Variants in TPM1 observed in about 807,000 individuals in gnomAD.
TPM1 encodes tropomyosin 1, also known as tropomyosin alpha-1 chain.
TPM1 carries 24 observed loss-of-function variants against 42.9 expected under a neutral mutation model. The ratio of observed to expected loss-of-function variants is 0.56; its 90% confidence interval spans 0.41 to 0.79. The LOEUF (loss-of-function observed/expected upper bound fraction) is 0.79, where lower values mean the gene tolerates loss of function less well. TPM1 is among the 30% of genes least tolerant of loss of function. The pLI is 0.00. For synonymous variants in TPM1, 136 were observed against 130.1 expected (o/e 1.05, Z -0.31); for missense variants, 158 against 351.8 (o/e 0.45, Z 4.41).
At position 63,062,261 on chromosome 15, in the gene TPM1, C is replaced by G; in HGVS notation, c.686C>G (p.Ser229Cys). The G allele has an allele frequency of 6.2e-7, 1 of 1,614,080 alleles. No individual in the cohort carries two copies. Among genetic ancestry groups the G allele is most frequent in the Non-Finnish European group, 8.5e-7 (1 of 1,180,004 alleles). Residue 229 changes from serine to cysteine, a missense_variant, in exon 7 of 10, where the codon TCC (serine) becomes TGC (cysteine). By Grantham distance (112) the Ser-to-Cys change is moderately radical. Coordinates refer to ENST00000403994, the MANE Select transcript of TPM1 (RefSeq NM_001018005.2). ...DRYEEEIKVLSDKLKEAETRA... is the reference protein window; with the variant it reads ...DRYEEEIKVLCDKLKEAETRA... ...TATGAGGAAGAGATCAAGGTCCTTT[C>G]CGACAAGCTGAAGGAGGTAATATGA...
intron 2 of TPM1, chr15:63,055,798 A>G (rs16953467): frequency 0.67 from 101,754 of 152,076 alleles, 34,520 homozygotes; most frequent in East Asian, 0.95. Context: ...TCCATGCACA[A>G]TATTTAAACA....
rs534676735 is a variant in TPM1, at chr15:63,059,925, C to A, written c.492+245C>A. The A allele has an allele frequency of 1.6e-5, 6 of 373,048 alleles. No individual in the cohort carries two copies. In the East Asian group the frequency reaches 3.4e-4, roughly 21 times the overall value. 23.1% of individuals were successfully genotyped at this position (373,048 alleles called of 1,614,324 possible). ...GAAGAAGGACCAAAACTCCTCTCCC[C>A]CAGCCACAAAGACCCGGACAAAAGA... On this transcript the variant is annotated intron_variant, in intron 4 of 9. Transcript: ENST00000403994.
intron 1 of TPM1, chr15:63,043,514 C>G (rs1434729063): frequency 1.2e-6 from 1 of 866,386 alleles, no homozygotes; most frequent in African/African-American, 1.7e-5. Context: ...CGTCCCAGGG[C>G]AGGTGGGTGT....
At chr15:63,048,961 C>T (rs993423678) in intron 2 of TPM1, 3 of 535,016 alleles carry the variant, frequency 5.6e-6, no homozygotes, top group Non-Finnish European at 1.0e-5. Flanking sequence ...TGAGAAGGTT[C>T]TGGAAGGAGC....
chr15:63,063,219 G>A, intron 8 of TPM1: 1 of 985,360 alleles, frequency 1.0e-6, no homozygotes, highest in Non-Finnish European at 1.2e-6. Context: ...TAAATGTTGA[G>A]CTTTGAAGCT....
At chr15:63,048,246 G>A (rs1332322824) in intron 2 of TPM1, 14 of 496,914 alleles carry the variant, frequency 2.8e-5, no homozygotes, top group Non-Finnish European at 5.3e-5. Flanking sequence ...GTGGCCTCCC[G>A]GAGCGCCCAG....
chr15:63,057,773 C>G (rs1295096405), intron 3 of TPM1, among the ~76,000 whole-genome samples: 1 of 152,216 alleles, frequency 6.6e-6, no homozygotes, highest in African/African-American at 2.4e-5. Flanking sequence ...TAGACCAGCA[C>G]AGCCTTGTGT....
chr15:63,067,588 A>G (rs1375023883), downstream of TPM1, among the ~76,000 whole-genome samples: 1 of 152,204 alleles, frequency 6.6e-6, no homozygotes. Context: ...CGCACTTTCT[A>G]TAAGTACACT....
At chr15:63,068,365 G>C (rs2729827), downstream of TPM1, among the ~76,000 whole-genome samples, 2 of 152,018 alleles carry the variant, frequency 1.3e-5, no homozygotes, top group Non-Finnish European at 2.9e-5. Context: ...GGTAGCGGAC[G>C]TTTGACTGGG....
chr15:63,052,919 T>A (rs555886638), intron 2 of TPM1, among the ~76,000 whole-genome samples: 1 of 152,194 alleles, frequency 6.6e-6, no homozygotes, highest in African/African-American at 2.4e-5. Flanking sequence ...ATATCTTGAA[T>A]TCTAACGAGC....
intron 2 of TPM1, among the ~76,000 whole-genome samples, chr15:63,055,174 G>T (rs1057201773): frequency 6.6e-6 from 1 of 152,174 alleles, no homozygotes; most frequent in Admixed American, 6.5e-5. Context: ...TTTACCAGCT[G>T]TGCACTGATA....
At chr15:63,051,035 C>T (rs1392532340) in intron 2 of TPM1, among the ~76,000 whole-genome samples, 2 of 152,030 alleles carry the variant, frequency 1.3e-5, no homozygotes, top group Non-Finnish European at 2.9e-5. Flanking sequence ...TGTGTGGATC[C>T]TTCAAAATGT....
At chr15:63,069,820 C>G (rs761530860), downstream of TPM1, 15 of 1,612,664 alleles carry the variant, frequency 9.3e-6, no homozygotes, top group African/African-American at 1.3e-5. Flanking sequence ...GTCTGCTAAC[C>G]TGTCTTCCTT....
rs397516378 is a variant in TPM1 at position 63,060,945 on chromosome 15, C to A, written c.563+6C>A. On this transcript the variant is annotated splice_donor_region_variant and intron_variant, in intron 5 of 9. Transcript: ENST00000403994. ...CGGGCTGAGCTCTCAGAAGGGTAAG[C>A]GGGCCCGGCGCCAGGAGGCCACGAA... The A allele has an allele frequency of 8.1e-6, 13 of 1,613,862 alleles. No homozygotes were observed. The highest frequency in any genetic ancestry group is 1.1e-5 in the Non-Finnish European group (13 of 1,180,008).
chr15:63,049,895 T>C (rs548491447), intron 2 of TPM1, among the ~76,000 whole-genome samples: 2 of 152,346 alleles, frequency 1.3e-5, no homozygotes, highest in African/African-American at 4.8e-5. Context: ...TAATTCCGAC[T>C]CCCTTACTCG....
downstream of TPM1, chr15:63,070,093 G>A (rs569700841): frequency 6.6e-7 from 1 of 1,524,870 alleles, no homozygotes; most frequent in East Asian, 2.5e-5. Context: ...GGCTGGCCTT[G>A]CCTGCTTGTT....
intron 2 of TPM1, among the ~76,000 whole-genome samples, chr15:63,049,629 G>A (rs2033407607): frequency 1.3e-5 from 2 of 152,162 alleles, no homozygotes; most frequent in Admixed American, 1.3e-4. Context: ...GTCCTGCTGT[G>A]CTTAATATAC....
At chr15:63,064,706 C>G (rs2036076645) in intron 9 of TPM1, 2 of 984,258 alleles carry the variant, frequency 2.0e-6, no homozygotes, top group Non-Finnish European at 2.4e-6. Flanking sequence ...TGGCTCACGC[C>G]TGTAATCCCA....
intron 2 of TPM1, chr15:63,054,322 A>C (rs1406209745): frequency 1.3e-5 from 2 of 152,272 alleles, no homozygotes; most frequent in South Asian, 2.1e-4. Context: ...TGGGGAAACA[A>C]GAGTGGCATT....
Sources: gnomAD v4.1 joint callset for allele counts (sites outside exome capture counted in the v4.1 genomes callset) on GRCh38, gnomAD v4.1.1 for gene constraint, MANE v1.5 for transcripts, NCBI Gene and HGNC (gene_info 2026-07-23, HGNC 2026-07-21) for gene names.